Variants in GPR173 observed in about 807,000 individuals in gnomAD.
GPR173 encodes probable G protein-coupled receptor 173.
Under a neutral mutation model 13.9 loss-of-function variants are expected in GPR173, and 2 were observed. The observed-to-expected ratio is 0.14, with a 90% CI of 0.06 to 0.45. GPR173 has a LOEUF of 0.45. Among genes scored for constraint, GPR173 ranks in the 20% least tolerant of loss-of-function variants. The pLI, the probability that GPR173 is intolerant of heterozygous loss-of-function variation, is 0.98. For synonymous variants in GPR173, 131 were observed against 141.0 expected, an observed-to-expected ratio of 0.93 and a Z score of 0.50; for missense variants, 202 against 340.5, an observed-to-expected ratio of 0.59 and a Z score of 3.20.
At position 53,064,403 on chromosome X, in the gene GPR173, T is replaced by C. The variant is rs141817372; in HGVS notation, c.-97-12122T>C. 3.4e-3 allele frequency among the ~76,000 whole-genome samples: 380 copies of C among 110,319 alleles called. 1 individual carries two copies. Among genetic ancestry groups the C allele is most frequent in the African/African-American group, 0.012 (368 of 30,307 alleles). ...GGCCAACATGGTGAAACTGCATCTC[T>C]ACTAAAAATACAAAAATTAGCTGGG... On this transcript the variant is annotated intron_variant, in intron 1 of 1. Transcript: ENST00000332582.
intron 1 of GPR173, among the ~76,000 whole-genome samples, chrX:53,063,246 G>A (rs1932151953): frequency 9.0e-6 from 1 of 110,810 alleles, no homozygotes; most frequent in Non-Finnish European, 1.9e-5. Context: ...ACACCATCAA[G>A]GTTTACAGGT....
At chrX:53,060,305 C>T (rs1556803645) in intron 1 of GPR173, among the ~76,000 whole-genome samples, 3 of 109,785 alleles carry the variant, frequency 2.7e-5, no homozygotes, top group African/African-American at 9.9e-5. Flanking sequence ...GACGGCCGGT[C>T]GCAGTGGCTC....
At chrX:53,061,991 A>AGGGAAGGGAAGAGAAG (rs113986287) in intron 1 of GPR173, among the ~76,000 whole-genome samples, 2 of 105,494 alleles carry the variant, frequency 1.9e-5, no homozygotes, top group Non-Finnish European at 3.9e-5. Context: ...AGGGAAGAGA[A>AGGGAAGGGAAGAGAAG]AGAAGAGAAG....
At chrX:53,074,009 T>TATATAAATATATAA (rs1556805262) in intron 1 of GPR173, among the ~76,000 whole-genome samples, 3 of 28,386 alleles carry the variant, frequency 1.1e-4, no homozygotes, top group African/African-American at 6.6e-4. Flanking sequence ...ATATATATTA[T>TATATAAATATATAA]ACATAAATAT....
At chrX:53,049,512 G>GA in intron 1 of GPR173, 28 bp downstream of exon 1, 1 of 111,573 alleles carries the variant, frequency 9.0e-6, no homozygotes, top group South Asian at 3.8e-4. Context: ...CTCCACCAAG[G>GA]ATGGGGGGCT....
chrX:53,066,140 A>G (rs1556804193), intron 1 of GPR173, among the ~76,000 whole-genome samples: 1 of 111,574 alleles, frequency 9.0e-6, no homozygotes, highest in Admixed American at 9.6e-5. Context: ...ATTGAATGCA[A>G]CAGAAAATTT....
At chrX:53,074,684 A>G (rs1398136247) in intron 1 of GPR173, among the ~76,000 whole-genome samples, 1 of 83,358 alleles carries the variant, frequency 1.2e-5, no homozygotes, top group East Asian at 3.4e-4. Flanking sequence ...ATTTATAAAT[A>G]TTATAAATAA....
In GPR173 at chrX:53,078,426, T is replaced by G. The variant is rs1441867633; in HGVS notation, c.*683T>G. 11 of 122,727 alleles carry G rather than the reference T, an allele frequency of 9.0e-5. No individual in the cohort carries two copies. Among genetic ancestry groups the G allele is most frequent in the African/African-American group, 3.6e-4 (11 of 30,619 alleles). 10.1% of individuals were successfully genotyped at this position (122,727 alleles called of 1,213,427 possible). A position where few individuals can be genotyped will look rare whatever the true frequency, so the allele number is the denominator to read the frequency against. Reference sequence around the variant, plus strand: ...CCCCACCATGTCCAGACCTCCCAAATGGTTCTTGTGCATCTGTTGGAGAAG... The same window carrying G: ...CCCCACCATGTCCAGACCTCCCAAAGGGTTCTTGTGCATCTGTTGGAGAAG... On this transcript the variant is annotated 3_prime_UTR_variant, in exon 2 of 2. Coordinates refer to ENST00000332582, the MANE Select transcript of GPR173 (RefSeq NM_018969.6).
chrX:53,070,568 T>G (rs1556804677), intron 1 of GPR173, among the ~76,000 whole-genome samples: 1 of 111,498 alleles, frequency 9.0e-6, no homozygotes, highest in East Asian at 2.8e-4. Flanking sequence ...CACTGCAACC[T>G]CCACCTTCTG....
In GPR173 at chrX:53,077,240, C is replaced by T. The variant is rs782314938; in HGVS notation, c.619C>T (p.Leu207=). The change falls in exon 2 of 2, where the codon CTG becomes TTG. Residue 207 remains leucine (L), a synonymous_variant. Coordinates refer to ENST00000332582, the MANE Select transcript of GPR173 (RefSeq NM_018969.6). ...AGCTACCCATGCTGTCTACGGCAAG[C>T]TGCTCCTCTTCGAGTATCGTCACCG... The part of the protein sequence containing the change: ...MAATHAVYGK[L]LLFEYRHRKM... The T allele has an allele frequency of 4.2e-6, 5 of 1,189,789 alleles. No homozygotes were observed. The Admixed American group carries it at 1.2e-4, about 28-fold the overall frequency.
chrX:53,066,561 G>A (rs1417099631), intron 1 of GPR173, among the ~76,000 whole-genome samples: 5 of 109,909 alleles, frequency 4.5e-5, no homozygotes, highest in South Asian at 4.0e-4. Context: ...CCAGCTACTT[G>A]GGAGGCAGAG....
chrX:53,077,182 G>A lies in GPR173; in HGVS notation c.561G>A (p.Leu187=), dbSNP rs1932448462. The A allele has an allele frequency of 8.3e-7, 1 of 1,204,907 alleles. No homozygotes were observed. Among genetic ancestry groups the A allele is most frequent in the East Asian group, 3.0e-5 (1 of 33,770 alleles). ...GCTACTTCAAGGCCAATGACACGCTGGGCTTCATGCTTATGTTGGCTGTGC... is the reference window on the plus strand; with the variant it reads ...GCTACTTCAAGGCCAATGACACGCTAGGCTTCATGCTTATGTTGGCTGTGC... The part of the protein sequence containing the change: ...EHRYFKANDT[L]GFMLMLAVLM... Residue 187 remains leucine (L), a synonymous_variant, in exon 2 of 2, where the codon CTG becomes CTA. Transcript: ENST00000332582.
chrX:53,074,195 G>A (rs199901355), intron 1 of GPR173, among the ~76,000 whole-genome samples: 1 of 3,791 alleles, frequency 2.6e-4, no homozygotes, highest in Non-Finnish European at 3.8e-4. Context: ...TATTCATATA[G>A]AAATATATAT....
chrX:53,065,842 G>A (rs1932177288), intron 1 of GPR173, among the ~76,000 whole-genome samples: 1 of 111,971 alleles, frequency 8.9e-6, no homozygotes, highest in African/African-American at 3.2e-5. Context: ...GCTCATGCCT[G>A]TAATACCAGC....
In GPR173 at chrX:53,077,708, G is replaced by GC; in HGVS notation, c.1091dup (p.Ala365GlyfsTer35). The GC allele has an allele frequency of 8.3e-7, 1 of 1,209,264 alleles. No homozygotes were observed. Among genetic ancestry groups the GC allele is most frequent in the Non-Finnish European group, 1.1e-6 (1 of 893,945 alleles). On this transcript the variant is annotated frameshift_variant, in exon 2 of 2. Transcript: ENST00000332582. LOFTEE classifies it high-confidence loss of function. Reference sequence around the variant, plus strand: ...CGCCCCCTGCTGGGGCACAGGAGGTGCCCCGGCTCCCAGAGAACCCTACTG... The same window carrying GC: ...CGCCCCCTGCTGGGGCACAGGAGGTGCCCCCGGCTCCCAGAGAACCCTACTG...
intron 1 of GPR173, among the ~76,000 whole-genome samples, chrX:53,074,746 A>G (rs1465250985): frequency 1.1e-5 from 1 of 93,641 alleles, no homozygotes; most frequent in Non-Finnish European, 2.0e-5. Context: ...TATAAATATA[A>G]TTATATATAA....
At chrX:53,052,465 G>A (rs1931970419) in intron 1 of GPR173, among the ~76,000 whole-genome samples, 1 of 111,074 alleles carries the variant, frequency 9.0e-6, no homozygotes, top group African/African-American at 3.3e-5. Context: ...ATTTGAATAT[G>A]CCTGTGATTG....
At chrX:53,058,946 G>C (rs782064753) in intron 1 of GPR173, among the ~76,000 whole-genome samples, 18 of 107,412 alleles carry the variant, frequency 1.7e-4, no homozygotes, top group Non-Finnish European at 2.3e-4. Context: ...AGAAGGCTTT[G>C]AAGTTAAAAA....
intron 1 of GPR173, among the ~76,000 whole-genome samples, chrX:53,056,864 A>C (rs1345683703): frequency 3.6e-5 from 4 of 111,477 alleles, no homozygotes; most frequent in Non-Finnish European, 7.5e-5. Flanking sequence ...TTAGTGTATC[A>C]GCTGGATTGG....
Sources: gnomAD v4.1 joint callset for allele counts (sites outside exome capture counted in the v4.1 genomes callset) on GRCh38, gnomAD v4.1.1 for gene constraint, MANE v1.5 for transcripts, NCBI Gene and HGNC (gene_info 2026-07-23, HGNC 2026-07-21) for gene names.